The following CCDC85A variants were observed in gnomAD, a reference collection of about 807,000 sequenced individuals.
The protein encoded by CCDC85A is coiled-coil domain-containing protein 85A.
In CCDC85A, 38 loss-of-function variants were observed where a neutral mutation model predicts 50.2. The observed-to-expected ratio is 0.76, with a 90% CI of 0.58 to 0.99. CCDC85A has a LOEUF of 0.99. Among genes scored for constraint, CCDC85A ranks in the 50% least tolerant of loss-of-function variants. The pLI is 0.00. For missense variants in CCDC85A, 820 were observed against 742.0 expected, an observed-to-expected ratio of 1.11 and a Z score of -1.22; for synonymous variants, 366 against 301.4, an observed-to-expected ratio of 1.21 and a Z score of -2.22.
Position 56,377,082 on chromosome 2 carries a change from C to T in CCDC85A, c.1572+1147C>T, listed in dbSNP as rs527665926. ...GCTTATACAAAATGAATTTGCTTTT[C>T]CTAAACATATACTGATTATTGATGA... On this transcript the variant is annotated intron_variant, in intron 5 of 5. Transcript: ENST00000407595. Among the ~76,000 whole-genome samples the T allele has an allele frequency of 2.6e-5, 4 of 152,296 alleles. No homozygotes were observed. In the East Asian group the frequency reaches 7.7e-4, roughly 29 times the overall value.
At chr2:56,300,338 T>C (rs1469248291) in intron 2 of CCDC85A, among the ~76,000 whole-genome samples, 1 of 152,234 alleles carries the variant, frequency 6.6e-6, no homozygotes, top group East Asian at 1.9e-4. Flanking sequence ...CATGGAAAAT[T>C]ATTTCTTGCT....
chr2:56,229,413 C>G (rs1573061186), intron 2 of CCDC85A, among the ~76,000 whole-genome samples: 1 of 152,090 alleles, frequency 6.6e-6, no homozygotes, highest in East Asian at 1.9e-4. Flanking sequence ...TAAGGCGAGA[C>G]TAGTAACATT....
intron 2 of CCDC85A, among the ~76,000 whole-genome samples, chr2:56,230,433 T>C (rs1014432106): frequency 4.6e-5 from 7 of 152,242 alleles, no homozygotes; most frequent in African/African-American, 1.7e-4. Context: ...TTCCCTTTTA[T>C]AGGCAATCCC....
rs116055441 is a variant in CCDC85A, at chr2:56,376,443, C to T, written c.1572+508C>T. On this transcript the variant is annotated intron_variant, in intron 5 of 5. Transcript: ENST00000407595. Reference sequence around the variant, plus strand: ...TTGGGTTCTCAAACTCCAGTTAATGCCCCGTTATAGAATAATAGAAAACAG... The same window carrying T: ...TTGGGTTCTCAAACTCCAGTTAATGTCCCGTTATAGAATAATAGAAAACAG... 1.3e-3 allele frequency among the ~76,000 whole-genome samples: 203 copies of T among 152,252 alleles called. 1 individual carries two copies. Among genetic ancestry groups the T allele is most frequent in the African/African-American group, 4.5e-3 (186 of 41,556 alleles).
At position 56,257,330 on chromosome 2, in the gene CCDC85A, A is replaced by G. The variant is rs1573114165; in HGVS notation, c.1240+63890A>G. On this transcript the variant is annotated intron_variant, in intron 2 of 5. Coordinates refer to ENST00000407595, the MANE Select transcript of CCDC85A (RefSeq NM_001080433.2). ...TGTAGGAGTTCAAAGAATGAAGGCA[A>G]TATTTTCAATTAAAGGATTAGGAAA... Among the ~76,000 whole-genome samples, 3 of 152,312 alleles carry G rather than the reference A, an allele frequency of 2.0e-5. No homozygotes were observed. In the South Asian group the frequency reaches 6.2e-4, roughly 32 times the overall value.
chr2:56,244,451 T>C (rs1042564535), intron 2 of CCDC85A, among the ~76,000 whole-genome samples: 3 of 151,884 alleles, frequency 2.0e-5, no homozygotes, highest in African/African-American at 7.3e-5. Flanking sequence ...CCTGGGACTC[T>C]CCTTTCAGGG....
At chr2:56,236,533 G>A (rs988660704) in intron 2 of CCDC85A, among the ~76,000 whole-genome samples, 1 of 152,184 alleles carries the variant, frequency 6.6e-6, no homozygotes, top group Non-Finnish European at 1.5e-5. Flanking sequence ...AACTAATGAA[G>A]GGTAGAGGAG....
intron 2 of CCDC85A, among the ~76,000 whole-genome samples, chr2:56,306,510 A>G (rs1482158528): frequency 6.6e-6 from 1 of 152,190 alleles, no homozygotes; most frequent in Non-Finnish European, 1.5e-5. Flanking sequence ...CACATTATAT[A>G]ACTACTTATA....
At chr2:56,207,532 CATT>C (rs1677007361) in intron 2 of CCDC85A, among the ~76,000 whole-genome samples, 1 of 152,168 alleles carries the variant, frequency 6.6e-6, no homozygotes, top group African/African-American at 2.4e-5. Flanking sequence ...TCCCACATAA[CATT>C]ATTTTTTGAT....
chr2:56,299,246 C>G (rs548900923), intron 2 of CCDC85A, among the ~76,000 whole-genome samples: 13 of 152,024 alleles, frequency 8.6e-5, no homozygotes, highest in Non-Finnish European at 1.8e-4. Flanking sequence ...ATAACTGCAG[C>G]AATATTCTTG....
intron 3 of CCDC85A, among the ~76,000 whole-genome samples, chr2:56,363,338 C>A (rs1379526191): frequency 6.6e-6 from 1 of 152,142 alleles, no homozygotes; most frequent in African/African-American, 2.4e-5. Flanking sequence ...TTCATTTTGG[C>A]TACTCTCGTT....
At chr2:56,190,762 C>G (rs1234776760) in intron 1 of CCDC85A, among the ~76,000 whole-genome samples, 1 of 152,184 alleles carries the variant, frequency 6.6e-6, no homozygotes, top group African/African-American at 2.4e-5. Flanking sequence ...TCATCTCCCT[C>G]TACCTGGACC....
intron 2 of CCDC85A, among the ~76,000 whole-genome samples, chr2:56,253,876 A>T (rs946294148): frequency 6.6e-6 from 1 of 152,160 alleles, no homozygotes; most frequent in Non-Finnish European, 1.5e-5. Flanking sequence ...TTTCCTCACA[A>T]TGTAGATTTG....
At chr2:56,266,795 C>G (rs182566716) in intron 2 of CCDC85A, among the ~76,000 whole-genome samples, 25 of 152,078 alleles carry the variant, frequency 1.6e-4, no homozygotes, top group Admixed American at 3.3e-4. Flanking sequence ...ACTTATAGAT[C>G]TGACCCTTAG....
chr2:56,266,775 A>G (rs751044242), intron 2 of CCDC85A, among the ~76,000 whole-genome samples: 4 of 152,080 alleles, frequency 2.6e-5, no homozygotes, highest in African/African-American at 7.2e-5. Context: ...TGTGGCGTCT[A>G]TTGTTGCCTA....
intron 2 of CCDC85A, among the ~76,000 whole-genome samples, chr2:56,318,486 T>G (rs370584170): frequency 4.6e-5 from 7 of 152,138 alleles, no homozygotes; most frequent in Non-Finnish European, 1.0e-4. Context: ...TTCAGTGCAC[T>G]TAACACATTT....
chr2:56,232,823 A>C (rs1668832200), intron 2 of CCDC85A, among the ~76,000 whole-genome samples: 1 of 152,158 alleles, frequency 6.6e-6, no homozygotes, highest in Non-Finnish European at 1.5e-5. Context: ...TCTTGCCTGC[A>C]CAATTTCATT....
intron 2 of CCDC85A, among the ~76,000 whole-genome samples, chr2:56,213,742 A>G (rs1054763792): frequency 6.6e-6 from 1 of 152,038 alleles, no homozygotes; most frequent in Non-Finnish European, 1.5e-5. Context: ...ATTTATTTCA[A>G]GTATAAAAAT....
At chr2:56,187,650 T>A (rs965142708) in intron 1 of CCDC85A, among the ~76,000 whole-genome samples, 53 of 152,168 alleles carry the variant, frequency 3.5e-4, no homozygotes, top group Non-Finnish European at 1.0e-4. Context: ...CCAGTGAAGT[T>A]AGATAGTTTT....
Sources: allele counts gnomAD v4.1 joint callset (sites outside exome capture counted in the v4.1 genomes callset), GRCh38; gene constraint gnomAD v4.1.1; transcripts MANE v1.5; gene names NCBI Gene and HGNC (gene_info 2026-07-23, HGNC 2026-07-21).